Variants in ARID5A observed in about 807,000 individuals in gnomAD.
The protein encoded by ARID5A is AT-rich interactive domain-containing protein 5A.
ARID5A carries 14 observed loss-of-function variants against 30.5 expected under a neutral mutation model. The ratio of observed to expected loss-of-function variants is 0.46; its 90% CI spans 0.30 to 0.72. ARID5A has a LOEUF of 0.72. ARID5A is among the 30% of genes least tolerant of loss of function. ARID5A has a pLI of 0.07. For synonymous variants in ARID5A, 338 were observed against 340.4 expected (o/e 0.99, Z 0.08); for missense variants, 669 against 786.2 (o/e 0.85, Z 1.78).
In ARID5A at chr2:96,549,720, G is replaced by T. The variant is rs199619973; in HGVS notation, c.260-33G>T. On this transcript the variant is annotated intron_variant, in intron 3 of 6. Coordinates refer to ENST00000357485, the MANE Select transcript of ARID5A (RefSeq NM_212481.3). The surrounding 1 kb of genome is among the most constrained non-coding windows in gnomAD (Gnocchi z 6.1). ...GCATGCTGTCCCCACCTCCCACAGAGACTGACGGCCAGCCTGCTCTTCTCT... is the reference window on the plus strand; with the variant it reads ...GCATGCTGTCCCCACCTCCCACAGATACTGACGGCCAGCCTGCTCTTCTCT... 4.3e-6 allele frequency: 7 copies of T among 1,613,906 alleles called. No individual in the cohort carries two copies. The highest frequency in any genetic ancestry group is 2.7e-5 in the African/African-American group (2 of 75,034).
rs771152996 is a variant in ARID5A at position 96,550,566 on chromosome 2, C to T, written c.411-8C>T. 9 of 1,592,298 alleles carry T rather than the reference C, an allele frequency of 5.7e-6. No homozygotes were observed. In the South Asian group the frequency reaches 9.1e-5, roughly 16 times the overall value. On this transcript the variant is annotated splice_polypyrimidine_tract_variant and splice_region_variant and intron_variant, in intron 5 of 6. Transcript: ENST00000357485. The surrounding 1 kb of genome is among the most constrained non-coding windows in gnomAD (Gnocchi z 6.6). ...GCCTCCTGGGGGACATGCGTGGTTC[C>T]TCACCAGGCTGGTCCTGCCATACGT...
intron 6 of ARID5A, 61 bp from the exon 7 acceptor site, chr2:96,551,038 G>T: frequency 6.5e-7 from 1 of 1,531,572 alleles, no homozygotes; most frequent in South Asian, 1.3e-5. Context: ...GCCACCTCTT[G>T]CTCCTCAGGT....
chr2:96,551,485 G>A lies in ARID5A; in HGVS notation c.957G>A (p.Gln319=). The A allele has an allele frequency of 8.2e-6, 13 of 1,589,090 alleles. No homozygotes were observed. The highest frequency in any genetic ancestry group is 1.1e-5 in the Non-Finnish European group (13 of 1,167,754). Residue 319 remains glutamine, a synonymous_variant, in exon 7 of 7, where the codon CAG becomes CAA. Transcript: ENST00000357485. ...RHRLTPQEGL[Q]APGGSLREEA... ...GGCTGACCCCTCAGGAGGGATTGCA[G>A]GCCCCAGGTGGCAGCCTCAGAGAGG...
chr2:96,549,787 G>C lies in ARID5A; in HGVS notation c.294G>C (p.Lys98Asn), dbSNP rs766789913. Residue 98 changes from lysine (K) to asparagine (N), a missense_variant, in exon 4 of 7, where the codon AAG becomes AAC. This residue lies in a region of ARID5A where 64 missense variants were observed against 119.7 expected (regional missense o/e 0.53). Transcript: ENST00000357485. The surrounding 1 kb of genome is among the most constrained non-coding windows in gnomAD (Gnocchi z 6.1). The stretch of plus-strand genomic sequence containing the variant: ...GGAAGATCTACAAAGCAGTGGAGAA[G>C]CTGGGGGCCTATGAGCTGGTAAGGA... ...NLWKIYKAVE[K>N]LGAYELVTGR... The C allele has an allele frequency of 1.2e-6, 2 of 1,613,492 alleles. No individual in the cohort carries two copies. The highest frequency in any genetic ancestry group is 1.7e-6 in the Non-Finnish European group (2 of 1,179,822).
At position 96,546,209 on chromosome 2, in the gene ARID5A, G is replaced by T. The variant is rs555039709; in HGVS notation, c.5-1193G>T. The stretch of plus-strand genomic sequence containing the variant: ...TTGTTCCTGAGGAGATTCTTTTTCT[G>T]TCTGGGATGGAAGGGAAATCTCATA... On this transcript the variant is annotated intron_variant, in intron 1 of 6. Transcript: ENST00000357485. Among the ~76,000 whole-genome samples, 15 of 152,318 alleles carry T rather than the reference G, an allele frequency of 9.8e-5. No individual in the cohort carries two copies. In the South Asian group the frequency reaches 3.1e-3, roughly 32 times the overall value.
At chr2:96,543,863 G>T (rs1274473046) in intron 1 of ARID5A, among the ~76,000 whole-genome samples, 1 of 152,184 alleles carries the variant, frequency 6.6e-6, no homozygotes. Flanking sequence ...CAGATAGGCC[G>T]AAAGCTAGGC....
Position 96,551,733 on chromosome 2 carries a change from G to A in ARID5A, c.1205G>A (p.Gly402Asp). The A allele has an allele frequency of 6.6e-7, 1 of 1,518,938 alleles. No homozygotes were observed. Among genetic ancestry groups the A allele is most frequent in the Non-Finnish European group, 8.8e-7 (1 of 1,135,488 alleles). The allele number at this position is 1,518,938 out of a possible 1,614,324, so 94.1% of individuals were successfully genotyped here. A position where few individuals can be genotyped will look rare whatever the true frequency, so the allele number is the denominator to read the frequency against. Reference sequence around the variant, plus strand: ...AACCGCCCTTCTGCGTTCCATAAAGGTGGCTCCAGAAAGGGCATCCTCTAC... The same window carrying A: ...AACCGCCCTTCTGCGTTCCATAAAGATGGCTCCAGAAAGGGCATCCTCTAC... ...DANRPSAFHK[G>D]GSRKGILYPK... The change falls in exon 7 of 7, where the codon GGT (glycine) becomes GAT (aspartate). Residue 402 changes from glycine to aspartate, a missense_variant. This residue lies in a region of ARID5A where 548 missense variants were observed against 577.4 expected (regional missense o/e 0.95). Transcript: ENST00000357485.
Position 96,537,200 on chromosome 2 carries a change from C to T in ARID5A, c.4+370C>T, listed in dbSNP as rs1470877659. The T allele has an allele frequency of 1.4e-4, 27 of 195,342 alleles. No homozygotes were observed. Among genetic ancestry groups the T allele is most frequent in the African/African-American group, 5.8e-4 (25 of 43,126 alleles). The allele number at this position is 195,342 out of a possible 1,614,324, so 12.1% of individuals were successfully genotyped here. A position where few individuals can be genotyped will look rare whatever the true frequency, so the allele number is the denominator to read the frequency against. On this transcript the variant is annotated intron_variant, in intron 1 of 6. Coordinates refer to ENST00000357485, the MANE Select transcript of ARID5A (RefSeq NM_212481.3). This position sits in a 1 kb window ranked among gnomAD's most constrained non-coding sequence, Gnocchi z 4.8. ...GTCCCACTTCCTGCTGCGGTTTCCA[C>T]CTCGAGCTGGGCTCAGCTAATTTGT...
Position 96,551,829 on chromosome 2 carries a change from C to G in ARID5A, c.1301C>G (p.Thr434Ser). ...GCCGAGAGCCCCACGCTCCCGCCCA[C>G]CTTCCCCAGTAGCCCAGGCCTGGGC... ...VPAESPTLPPTFPSSPGLGSK... is the reference protein window; with the variant it reads ...VPAESPTLPPSFPSSPGLGSK... Residue 434 changes from threonine (T) to serine (S), a missense_variant, in exon 7 of 7, where the codon ACC (threonine) becomes AGC (serine). This residue lies in a region of ARID5A where 548 missense variants were observed against 577.4 expected (regional missense o/e 0.95). Transcript: ENST00000357485. 1 of 1,598,394 alleles carries G rather than the reference C, an allele frequency of 6.3e-7. No individual in the cohort carries two copies. The highest frequency in any genetic ancestry group is 8.5e-7 in the Non-Finnish European group (1 of 1,173,402).
chr2:96,549,628 A>C lies in ARID5A; in HGVS notation c.260-125A>C. ...TGCACAGGGCACAGCCTGCCCGTCTATTGCAGTGGCCCTGGCTGGGTGTGT... is the reference window on the plus strand; with the variant it reads ...TGCACAGGGCACAGCCTGCCCGTCTCTTGCAGTGGCCCTGGCTGGGTGTGT... On this transcript the variant is annotated intron_variant, in intron 3 of 6. Coordinates refer to ENST00000357485, the MANE Select transcript of ARID5A (RefSeq NM_212481.3). The surrounding 1 kb of genome is among the most constrained non-coding windows in gnomAD (Gnocchi z 6.1). The C allele has an allele frequency of 6.6e-7, 1 of 1,515,884 alleles. No homozygotes were observed. The highest frequency in any genetic ancestry group is 9.1e-7 in the Non-Finnish European group (1 of 1,094,808). The allele number at this position is 1,515,884 out of a possible 1,614,324, so 93.9% of individuals were successfully genotyped here.
rs1160094433 is a variant in ARID5A, at chr2:96,537,776, C to T, written c.4+946C>T. 3 of 847,234 alleles carry T rather than the reference C, an allele frequency of 3.5e-6. No individual in the cohort carries two copies. The highest frequency in any genetic ancestry group is 4.3e-6 in the Non-Finnish European group (3 of 704,036). The allele number at this position is 847,234 out of a possible 1,614,324, so 52.5% of individuals were successfully genotyped here. ...GGTCGCCCGGGCTGGGGTCGCGTCA[C>T]CCTCCGCCCAGCGCCGGCGTGGTGG... On this transcript the variant is annotated intron_variant, in intron 1 of 6. Coordinates refer to ENST00000357485, the MANE Select transcript of ARID5A (RefSeq NM_212481.3). The surrounding 1 kb of genome is among the most constrained non-coding windows in gnomAD (Gnocchi z 4.8).
In ARID5A at chr2:96,550,156, G is replaced by T; in HGVS notation, c.313-32G>T. ...AGGACCCCGCCGCCAGGGGGCGCCCGCCGGCCGCGCCCTCACGAGGTGCCC... is the reference window on the plus strand; with the variant it reads ...AGGACCCCGCCGCCAGGGGGCGCCCTCCGGCCGCGCCCTCACGAGGTGCCC... On this transcript the variant is annotated intron_variant, in intron 4 of 6. Coordinates refer to ENST00000357485, the MANE Select transcript of ARID5A (RefSeq NM_212481.3). This position sits in a 1 kb window ranked among gnomAD's most constrained non-coding sequence, Gnocchi z 6.6. 1.3e-6 allele frequency: 2 copies of T among 1,531,460 alleles called. No homozygotes were observed. The allele number at this position is 1,531,460 out of a possible 1,614,324, so 94.9% of individuals were successfully genotyped here.
chr2:96,547,272 G>A (rs866844605), intron 1 of ARID5A, 130 bp from the exon 2 acceptor site: 3 of 696,604 alleles, frequency 4.3e-6, no homozygotes, highest in Middle Eastern at 5.0e-4. Flanking sequence ...TCACAGGAGT[G>A]AGCCCCTGCA....
intron 1 of ARID5A, 129 bp downstream of exon 1, chr2:96,536,959 G>T: frequency 8.6e-7 from 1 of 1,156,614 alleles, no homozygotes; most frequent in South Asian, 4.4e-5. Context: ...GAGGGGCCCG[G>T]GGTGGGTTTC....
At chr2:96,546,704 C>G (rs1265122722) in intron 1 of ARID5A, among the ~76,000 whole-genome samples, 4 of 152,220 alleles carry the variant, frequency 2.6e-5, no homozygotes, top group Non-Finnish European at 5.9e-5. Context: ...TGAGGGGTCA[C>G]CAGGACCCTT....
chr2:96,540,871 G>A (rs912197382), intron 1 of ARID5A, among the ~76,000 whole-genome samples: 1 of 151,884 alleles, frequency 6.6e-6, no homozygotes, highest in Non-Finnish European at 1.5e-5. Flanking sequence ...TCAGCCTCCC[G>A]AGTAGCTGGG....
chr2:96,551,451 C>G lies in ARID5A; in HGVS notation c.923C>G (p.Ser308Cys). 6.3e-7 allele frequency: 1 copy of G among 1,592,284 alleles called. No individual in the cohort carries two copies. The highest frequency in any genetic ancestry group is 8.5e-7 in the Non-Finnish European group (1 of 1,169,820). The change falls in exon 7 of 7, where the codon TCC becomes TGC. Residue 308 changes from serine (S) to cysteine (C), a missense_variant. Physicochemically the swap from Ser to Cys is moderately radical, Grantham distance 112 (BLOSUM62 -1). This residue lies in a region of ARID5A where 548 missense variants were observed against 577.4 expected (regional missense o/e 0.95). Transcript: ENST00000357485. ...AGCCCCAAAGGGCTGACTGAGAACT[C>G]CAGGCACCGGCTGACCCCTCAGGAG... is the stretch of plus-strand genomic sequence containing the variant. ...PQSPKGLTEN[S>C]RHRLTPQEGL...
chr2:96,551,159 C>G lies in ARID5A; in HGVS notation c.631C>G (p.Pro211Ala), dbSNP rs772290520. 1.9e-6 allele frequency: 3 copies of G among 1,613,568 alleles called. No homozygotes were observed. Among genetic ancestry groups the G allele is most frequent in the Non-Finnish European group, 2.5e-6 (3 of 1,179,880 alleles). The change falls in exon 7 of 7, where the codon CCC (proline) becomes GCC (alanine). Residue 211 changes from proline to alanine, a missense_variant. Coordinates refer to ENST00000357485, the MANE Select transcript of ARID5A (RefSeq NM_212481.3). ...CCCAGCACCACTTCCCAGCCAGGAG[C>G]CCCCCAGGAACAGCACAGAACAGCA... ...ADPAPLPSQE[P>A]PRNSTEQQGL...
intron 1 of ARID5A, 151 bp downstream of exon 1, chr2:96,536,981 C>A: frequency 9.7e-7 from 1 of 1,035,894 alleles, no homozygotes; most frequent in Non-Finnish European, 1.2e-6. Flanking sequence ...GGGCGCGGGC[C>A]AAGGGGAGCG....
Sources: allele counts gnomAD v4.1 joint callset (sites outside exome capture counted in the v4.1 genomes callset), GRCh38; gene constraint gnomAD v4.1.1; regional missense constraint gnomAD v4.1.1; non-coding constraint Gnocchi (gnomAD v3.1); transcripts MANE v1.5; gene names NCBI Gene and HGNC (gene_info 2026-07-23, HGNC 2026-07-21).